ASIC1: variants seen among roughly 807,000 people sequenced by gnomAD.
ASIC1 encodes acid sensing ion channel subunit 1, also known as acid-sensing ion channel 1.
In ASIC1, 21 loss-of-function variants were observed where a neutral mutation model predicts 63.4. The ratio of observed to expected loss-of-function variants is 0.33; its 90% CI spans 0.23 to 0.48. ASIC1 has a LOEUF of 0.48. Among genes scored for constraint, ASIC1 ranks in the 20% least tolerant of loss-of-function variants. The pLI, the probability that ASIC1 is intolerant of heterozygous loss-of-function variation, is 0.99. For synonymous variants in ASIC1, 258 were observed against 278.2 expected (o/e 0.93, Z 0.72); for missense variants, 478 against 695.5 (o/e 0.69, Z 3.52).
At position 50,074,223 on chromosome 12, in the gene ASIC1, C is replaced by T. The variant is rs780985868; in HGVS notation, c.559-2990C>T. 18 of 1,496,188 alleles carry T rather than the reference C, an allele frequency of 1.2e-5. No individual in the cohort carries two copies. The highest frequency in any genetic ancestry group is 2.8e-5 in the African/African-American group (2 of 71,828). The allele number at this position is 1,496,188 out of a possible 1,614,324, so 92.7% of individuals were successfully genotyped here. On this transcript the variant is annotated intron_variant, in intron 3 of 11. Coordinates refer to ENST00000447966, the MANE Select transcript of ASIC1 (RefSeq NM_001095.4). This position sits in a 1 kb window ranked among gnomAD's most constrained non-coding sequence, Gnocchi z 4.2. ...ATTGCTCCTACCAAGGGGGACCCTG[C>T]GGCCCTCACAACTTCTCAGTGGTGA...
rs1461232422 is a variant in ASIC1, at chr12:50,074,976, C to T, written c.559-2237C>T. On this transcript the variant is annotated intron_variant, in intron 3 of 11. Coordinates refer to ENST00000447966, the MANE Select transcript of ASIC1 (RefSeq NM_001095.4). This position sits in a 1 kb window ranked among gnomAD's most constrained non-coding sequence, Gnocchi z 4.2. The stretch of plus-strand genomic sequence containing the variant: ...GCTTTAAGTGGCCAGGGACCCTCTT[C>T]CTAGGGGAAGCTCTCACTGGGAACT... 6.6e-6 allele frequency among the ~76,000 whole-genome samples: 1 copy of T among 151,560 alleles called. No individual in the cohort carries two copies. The highest frequency in any genetic ancestry group is 1.5e-5 in the Non-Finnish European group (1 of 67,952).
chr12:50,077,718 A>C (rs561953644), intron 4 of ASIC1, among the ~76,000 whole-genome samples: 5 of 152,300 alleles, frequency 3.3e-5, no homozygotes, highest in Non-Finnish European at 7.3e-5. Flanking sequence ...AATGGAGAGC[A>C]TCTGAAACAG....
At position 50,071,264 on chromosome 12, in the gene ASIC1, A is replaced by G. The variant is rs1160647146; in HGVS notation, c.559-5949A>G. Among the ~76,000 whole-genome samples the G allele has an allele frequency of 3.1e-4, 39 of 126,470 alleles. 1 individual carries two copies. Among genetic ancestry groups the G allele is most frequent in the Admixed American group, 2.8e-3 (34 of 12,006 alleles). 83.0% of individuals were successfully genotyped at this position (126,470 alleles called of 152,430 possible). On this transcript the variant is annotated intron_variant, in intron 3 of 11. Transcript: ENST00000447966. Reference sequence around the variant, plus strand: ...CTGAGGTGGAGGGTACATTGCTTTCAGCTTTTTTTTTTTTTTTTTTGAGAC... The same window carrying G: ...CTGAGGTGGAGGGTACATTGCTTTCGGCTTTTTTTTTTTTTTTTTTGAGAC...
chr12:50,076,078 C>G (rs556312634), intron 3 of ASIC1, among the ~76,000 whole-genome samples: 1 of 152,156 alleles, frequency 6.6e-6, no homozygotes, highest in African/African-American at 2.4e-5. Context: ...GAGTGTGGTC[C>G]TTGGCATGGC....
Position 50,059,261 on chromosome 12 carries a change from C to T in ASIC1, c.362+133C>T. The T allele has an allele frequency of 7.7e-7, 1 of 1,300,076 alleles. No individual in the cohort carries two copies. The highest frequency in any genetic ancestry group is 1.0e-6 in the Non-Finnish European group (1 of 959,520). 80.5% of individuals were successfully genotyped at this position (1,300,076 alleles called of 1,614,324 possible). ...AACCCACCCCCACCCCCAAACCTGC[C>T]ACTCACAGCAGAGGAGTTAGGGTGC... is the stretch of plus-strand genomic sequence containing the variant. On this transcript the variant is annotated intron_variant, in intron 2 of 11. Coordinates refer to ENST00000447966, the MANE Select transcript of ASIC1 (RefSeq NM_001095.4). The surrounding 1 kb of genome is among the most constrained non-coding windows in gnomAD (Gnocchi z 4.6).
chr12:50,071,884 G>A (rs1342101748), intron 3 of ASIC1, among the ~76,000 whole-genome samples: 1 of 152,188 alleles, frequency 6.6e-6, no homozygotes, highest in Non-Finnish European at 1.5e-5. Flanking sequence ...ACTGCAGGGA[G>A]GCAGGGAGAC....
Position 50,074,276 on chromosome 12 carries a change from C to T in ASIC1, c.559-2937C>T. ...GGAGCCCCATGCCTGCCACAGTACC[C>T]CAAGAGTGTCTGCCATGGCTGTCCC... is the stretch of plus-strand genomic sequence containing the variant. On this transcript the variant is annotated intron_variant, in intron 3 of 11. Coordinates refer to ENST00000447966, the MANE Select transcript of ASIC1 (RefSeq NM_001095.4). This position sits in a 1 kb window ranked among gnomAD's most constrained non-coding sequence, Gnocchi z 4.2. The T allele has an allele frequency of 6.9e-7, 1 of 1,445,596 alleles. No individual in the cohort carries two copies. The allele number at this position is 1,445,596 out of a possible 1,614,324, so 89.5% of individuals were successfully genotyped here. A position where few individuals can be genotyped will look rare whatever the true frequency, so the allele number is the denominator to read the frequency against.
chr12:50,081,519 G>A (rs554216673), intron 11 of ASIC1, 26 bp from the exon 12 acceptor site: 28 of 1,443,472 alleles, frequency 1.9e-5, no homozygotes, highest in Non-Finnish European at 2.4e-5. Context: ...GGGATAACCC[G>A]TCCCTGTCCT....
intron 3 of ASIC1, among the ~76,000 whole-genome samples, chr12:50,069,509 G>A (rs1366435569): frequency 6.6e-6 from 1 of 152,050 alleles, no homozygotes; most frequent in Admixed American, 6.6e-5. Flanking sequence ...GGCCAGGCTG[G>A]TCTTGAACTC....
chr12:50,078,245 G>C lies in ASIC1; in HGVS notation c.837+118G>C. On this transcript the variant is annotated intron_variant, in intron 5 of 11. Transcript: ENST00000447966. This position sits in a 1 kb window ranked among gnomAD's most constrained non-coding sequence, Gnocchi z 6.0. ...AAGGACCTGGGTGGTAATCTGGCTA[G>C]TCAGAAGCATGAGTGATCGAATGAA... 1.3e-6 allele frequency: 2 copies of C among 1,523,922 alleles called. No homozygotes were observed. Among genetic ancestry groups the C allele is most frequent in the Non-Finnish European group, 1.8e-6 (2 of 1,133,172 alleles). The allele number at this position is 1,523,922 out of a possible 1,614,324, so 94.4% of individuals were successfully genotyped here. A position where few individuals can be genotyped will look rare whatever the true frequency, so the allele number is the denominator to read the frequency against.
At chr12:50,069,622 A>G (rs1169836188) in intron 3 of ASIC1, among the ~76,000 whole-genome samples, 1 of 152,194 alleles carries the variant, frequency 6.6e-6, no homozygotes, top group East Asian at 1.9e-4. Flanking sequence ...CTGTAATTCA[A>G]ACATCATTTC....
In ASIC1 at chr12:50,074,363, C is replaced by T; in HGVS notation, c.559-2850C>T. 1 of 1,402,618 alleles carries T rather than the reference C, an allele frequency of 7.1e-7. No individual in the cohort carries two copies. Among genetic ancestry groups the T allele is most frequent in the Non-Finnish European group, 9.3e-7 (1 of 1,080,490 alleles). The allele number at this position is 1,402,618 out of a possible 1,614,324, so 86.9% of individuals were successfully genotyped here. A position where few individuals can be genotyped will look rare whatever the true frequency, so the allele number is the denominator to read the frequency against. Reference sequence around the variant, plus strand: ...GCTGGGGCTGATGACTGTGCTGCCCCCTACCTCATCTGGCTGACACAGGCC... The same window carrying T: ...GCTGGGGCTGATGACTGTGCTGCCCTCTACCTCATCTGGCTGACACAGGCC... On this transcript the variant is annotated intron_variant, in intron 3 of 11. Transcript: ENST00000447966. The surrounding 1 kb of genome is among the most constrained non-coding windows in gnomAD (Gnocchi z 4.2).
rs1423518439 is a variant in ASIC1, at chr12:50,057,728, G to T, written c.-205G>T. 3 of 151,546 alleles carry T rather than the reference G, an allele frequency of 2.0e-5. No individual in the cohort carries two copies. In the East Asian group the frequency reaches 5.8e-4, roughly 29 times the overall value. The allele number at this position is 151,546 out of a possible 1,614,324, so 9.4% of individuals were successfully genotyped here. A position where few individuals can be genotyped will look rare whatever the true frequency, so the allele number is the denominator to read the frequency against. On this transcript the variant is annotated 5_prime_UTR_variant, in exon 1 of 12. Transcript: ENST00000447966. This position sits in a 1 kb window ranked among gnomAD's most constrained non-coding sequence, Gnocchi z 4.7. The stretch of plus-strand genomic sequence containing the variant: ...CGAGCCAGCGAGCCAGCGCGCGCGG[G>T]CGGGCGGACAGATCGGAGCCGAGCG...
At position 50,078,181 on chromosome 12, in the gene ASIC1, G is replaced by A; in HGVS notation, c.837+54G>A. ...GGGTGGGGTATTGAGGGGTCCAGAT[G>A]GAGTGGTGGGCAATCAGTAATGGGA... On this transcript the variant is annotated intron_variant, in intron 5 of 11. Coordinates refer to ENST00000447966, the MANE Select transcript of ASIC1 (RefSeq NM_001095.4). This position sits in a 1 kb window ranked among gnomAD's most constrained non-coding sequence, Gnocchi z 6.0. 1 of 1,579,116 alleles carries A rather than the reference G, an allele frequency of 6.3e-7. No individual in the cohort carries two copies. Among genetic ancestry groups the A allele is most frequent in the South Asian group, 1.2e-5 (1 of 85,120 alleles).
rs746216151 is a variant in ASIC1 at position 50,081,077 on chromosome 12, A to AC, written c.1298-19dup. The AC allele has an allele frequency of 9.6e-6, 15 of 1,557,678 alleles. No individual in the cohort carries two copies. In the East Asian group the frequency reaches 1.9e-4, roughly 20 times the overall value. Reference sequence around the variant, plus strand: ...CCCCCACGATGTCCTGACCCCACTGACCCCCCTGGCGCCTGCCCCCGCAGG... The same window carrying AC: ...CCCCCACGATGTCCTGACCCCACTGACCCCCCCTGGCGCCTGCCCCCGCAGG... On this transcript the variant is annotated intron_variant, in intron 9 of 11. Transcript: ENST00000447966.
In ASIC1 at chr12:50,058,790, G is replaced by C. The variant is rs772074112; in HGVS notation, c.24G>C (p.Glu8Asp). 3.8e-6 allele frequency: 6 copies of C among 1,591,952 alleles called. No homozygotes were observed. In the Admixed American group the frequency reaches 1.0e-4, roughly 27 times the overall value. MELKAEE[E>D]EVGGVQPVSI... Reference sequence around the variant, plus strand: ...GGATGGAACTGAAGGCCGAGGAGGAGGAGGTGGGTGGCGTCCAGCCGGTGA... The same window carrying C: ...GGATGGAACTGAAGGCCGAGGAGGACGAGGTGGGTGGCGTCCAGCCGGTGA... Residue 8 changes from glutamate to aspartate, a missense_variant, in exon 2 of 12, where the codon GAG (glutamate) becomes GAC (aspartate). Glu to Asp is a conservative substitution (Grantham distance 45, BLOSUM62 2). Coordinates refer to ENST00000447966, the MANE Select transcript of ASIC1 (RefSeq NM_001095.4).
At chr12:50,071,355 C>T (rs550868923) in intron 3 of ASIC1, among the ~76,000 whole-genome samples, 1 of 150,836 alleles carries the variant, frequency 6.6e-6, no homozygotes, top group Admixed American at 6.6e-5. Flanking sequence ...CAAGCTCCAC[C>T]TCCTGGGTTC....
intron 3 of ASIC1, among the ~76,000 whole-genome samples, chr12:50,060,697 C>T (rs116681865): frequency 0.013 from 1,916 of 152,274 alleles, 35 homozygotes; most frequent in African/African-American, 0.044. Flanking sequence ...CTGCCTCAGG[C>T]CAGCACCTCA....
In ASIC1 at chr12:50,059,265, C is replaced by T. The variant is rs1950478193; in HGVS notation, c.362+137C>T. ...CACCCCCACCCCCAAACCTGCCACTCACAGCAGAGGAGTTAGGGTGCTGCT... is the reference window on the plus strand; with the variant it reads ...CACCCCCACCCCCAAACCTGCCACTTACAGCAGAGGAGTTAGGGTGCTGCT... On this transcript the variant is annotated intron_variant, in intron 2 of 11. Coordinates refer to ENST00000447966, the MANE Select transcript of ASIC1 (RefSeq NM_001095.4). The surrounding 1 kb of genome is among the most constrained non-coding windows in gnomAD (Gnocchi z 4.6). The T allele has an allele frequency of 3.1e-6, 4 of 1,284,988 alleles. No individual in the cohort carries two copies. The highest frequency in any genetic ancestry group is 2.7e-4 in the Middle Eastern group (1 of 3,682). The allele number at this position is 1,284,988 out of a possible 1,614,324, so 79.6% of individuals were successfully genotyped here. A position where few individuals can be genotyped will look rare whatever the true frequency, so the allele number is the denominator to read the frequency against.
Sources: allele counts gnomAD v4.1 joint callset (sites outside exome capture counted in the v4.1 genomes callset), GRCh38; gene constraint gnomAD v4.1.1; non-coding constraint Gnocchi (gnomAD v3.1); transcripts MANE v1.5; gene names NCBI Gene and HGNC (gene_info 2026-07-23, HGNC 2026-07-21).